Variants in LRRC17 observed in about 807,000 individuals in gnomAD.
LRRC17 encodes leucine rich repeat containing 17.
In LRRC17, 33 loss-of-function variants were observed where a neutral mutation model predicts 41.5. The observed-to-expected ratio is 0.80, with a 90% CI of 0.60 to 1.06. The LOEUF is 1.06. Among genes scored for constraint, LRRC17 ranks in the 50% least tolerant of loss-of-function variants. LRRC17 has a pLI of 0.00. For synonymous variants in LRRC17, 192 were observed against 197.0 expected (o/e 0.97, Z 0.21); for missense variants, 491 against 519.3 (o/e 0.95, Z 0.53).
At chr7:102,916,628 C>T (rs1350410068) in intron 1 of LRRC17, among the ~76,000 whole-genome samples, 2 of 152,164 alleles carry the variant, frequency 1.3e-5, no homozygotes. Flanking sequence ...AATACTCATA[C>T]TCTTTATTCT....
chr7:102,934,376 T>C lies in LRRC17; in HGVS notation c.463T>C (p.Leu155=). The C allele has an allele frequency of 1.9e-6, 3 of 1,614,214 alleles. No homozygotes were observed. The highest frequency in any genetic ancestry group is 2.5e-6 in the Non-Finnish European group (3 of 1,180,040). ...TEEVFIYTPL[L]SYLRLYDNPW... ...GGAAGTGTTCATTTACACACCTCTCTTGAGCTACCTGCGTCTTTATGACAA... is the reference window on the plus strand; with the variant it reads ...GGAAGTGTTCATTTACACACCTCTCCTGAGCTACCTGCGTCTTTATGACAA... The change falls in exon 2 of 4, where the codon TTG becomes CTG. Residue 155 remains leucine (L), a synonymous_variant. Transcript: ENST00000339431.
At chr7:102,915,090 T>G (rs988007217) in intron 1 of LRRC17, among the ~76,000 whole-genome samples, 1 of 152,126 alleles carries the variant, frequency 6.6e-6, no homozygotes, top group African/African-American at 2.4e-5. Context: ...TCTCAGAGAT[T>G]GTTTTCTCAT....
At position 102,939,507 on chromosome 7, in the gene LRRC17, C is replaced by T. The variant is rs1159359431; in HGVS notation, c.850C>T (p.Arg284Ter). 1.2e-5 allele frequency: 19 copies of T among 1,613,736 alleles called. No homozygotes were observed. The highest frequency in any genetic ancestry group is 1.4e-5 in the Non-Finnish European group (17 of 1,179,834). Residue 284 changes from arginine to a stop codon, truncating the protein, a stop_gained, in exon 3 of 4, where the codon CGA becomes TGA. Coordinates refer to ENST00000339431, the MANE Select transcript of LRRC17 (RefSeq NM_001031692.3). LOFTEE classifies it high-confidence loss of function. ...DLSYNKINQL[R>*]PKEFEDVHEL... ...GTCATACAATAAAATCAACCAACTT[C>T]GACCCAAGGAATTTGAAGATGTTCA... is the stretch of plus-strand genomic sequence containing the variant.
Position 102,944,277 on chromosome 7 carries a change from C to G in LRRC17, c.996C>G (p.Asp332Glu), listed in dbSNP as rs750655165. The change falls in exon 4 of 4, where the codon GAC (aspartate) becomes GAG (glutamate). Residue 332 changes from aspartate to glutamate, a missense_variant. By Grantham distance (45) the Asp-to-Glu change is conservative (BLOSUM62 2). Transcript: ENST00000339431. ...DLSNNSLQNFDYGVLEDLYFL... is the reference protein window; with the variant it reads ...DLSNNSLQNFEYGVLEDLYFL... ...CAAACAACAGTCTGCAAAACTTTGA[C>G]TATGGCGTATTAGAAGACTTGTATT... 4.3e-6 allele frequency: 7 copies of G among 1,613,794 alleles called. 1 individual carries two copies. In the South Asian group the frequency reaches 7.7e-5, roughly 18 times the overall value.
rs917217476 is a variant in LRRC17 at position 102,944,740 on chromosome 7, T to C, written c.*133T>C. The C allele has an allele frequency of 3.9e-6, 3 of 770,392 alleles. No individual in the cohort carries two copies. The allele number at this position is 770,392 out of a possible 1,614,324, so 47.7% of individuals were successfully genotyped here. A position where few individuals can be genotyped will look rare whatever the true frequency, so the allele number is the denominator to read the frequency against. On this transcript the variant is annotated 3_prime_UTR_variant, in exon 4 of 4. Transcript: ENST00000339431. ...AGCTAAAGGAAGCTTTCTTTAATTA[T>C]AAGTATTATTGTGACTATTATAGTA...
chr7:102,914,782 AT>A (rs1344718210), intron 1 of LRRC17, among the ~76,000 whole-genome samples: 3 of 152,196 alleles, frequency 2.0e-5, no homozygotes, highest in Non-Finnish European at 4.4e-5. Context: ...CAGTGCTAAT[AT>A]CCCAAAGACA....
rs187212601 is a variant in LRRC17 at position 102,925,468 on chromosome 7, C to A, written c.-140-8306C>A. ...ATTCTTTTGTTATTCTGTCCCTTCT[C>A]CTCCAAAAAAGAGAAGCAATATTCA... On this transcript the variant is annotated intron_variant, in intron 1 of 3. Transcript: ENST00000339431. Among the ~76,000 whole-genome samples, 6 of 152,184 alleles carry A rather than the reference C, an allele frequency of 3.9e-5. No homozygotes were observed. The East Asian group carries it at 1.2e-3, about 29-fold the overall frequency.
At position 102,922,171 on chromosome 7, in the gene LRRC17, C is replaced by T. The variant is rs138453024; in HGVS notation, c.-141+9026C>T. On this transcript the variant is annotated intron_variant, in intron 1 of 3. Coordinates refer to ENST00000339431, the MANE Select transcript of LRRC17 (RefSeq NM_001031692.3). ...TGCCACTGCATTCCAGCCTGGGCGACAGAGGAAGACTCTGTCTCAAAAAAA... is the reference window on the plus strand; with the variant it reads ...TGCCACTGCATTCCAGCCTGGGCGATAGAGGAAGACTCTGTCTCAAAAAAA... 3.9e-3 allele frequency among the ~76,000 whole-genome samples: 563 copies of T among 145,048 alleles called. 6 individuals carry two copies. The highest frequency in any genetic ancestry group is 0.014 in the African/African-American group (556 of 39,052).
chr7:102,915,033 A>C (rs1177313827), intron 1 of LRRC17, among the ~76,000 whole-genome samples: 1 of 152,172 alleles, frequency 6.6e-6, no homozygotes, highest in East Asian at 1.9e-4. Context: ...ATCCGGCCAA[A>C]TGAGATGTAA....
At chr7:102,920,289 A>G (rs1188153549) in intron 1 of LRRC17, among the ~76,000 whole-genome samples, 1 of 152,364 alleles carries the variant, frequency 6.6e-6, no homozygotes, top group Admixed American at 6.5e-5. Context: ...TTCACAGAGC[A>G]AAAGACAGAA....
chr7:102,926,956 A>G (rs1818257355), intron 1 of LRRC17, among the ~76,000 whole-genome samples: 2 of 152,202 alleles, frequency 1.3e-5, no homozygotes, highest in African/African-American at 4.8e-5. Context: ...AATAGAGGCT[A>G]CATACCAGTT....
At chr7:102,928,686 GT>G (rs1182833061) in intron 1 of LRRC17, among the ~76,000 whole-genome samples, 1 of 152,200 alleles carries the variant, frequency 6.6e-6, no homozygotes, top group African/African-American at 2.4e-5. Flanking sequence ...AAAATGATTA[GT>G]TTTTTAATTC....
intron 1 of LRRC17, among the ~76,000 whole-genome samples, chr7:102,917,892 C>T (rs1584929598): frequency 2.0e-5 from 3 of 152,134 alleles, no homozygotes; most frequent in Non-Finnish European, 2.9e-5. Flanking sequence ...CATTTAGAGG[C>T]AACAAATTTC....
chr7:102,920,996 A>G (rs1202025350), intron 1 of LRRC17, among the ~76,000 whole-genome samples: 1 of 152,068 alleles, frequency 6.6e-6, no homozygotes, highest in Non-Finnish European at 1.5e-5. Context: ...TACTAAAAAT[A>G]CAAATATTAG....
chr7:102,920,693 C>T (rs1370926046), intron 1 of LRRC17, among the ~76,000 whole-genome samples: 1 of 152,054 alleles, frequency 6.6e-6, no homozygotes, highest in Non-Finnish European at 1.5e-5. Flanking sequence ...AAACTGCTCT[C>T]TTAAAAAGGC....
rs908634721 is a variant in LRRC17, at chr7:102,939,568, T to C, written c.911T>C (p.Ile304Thr). The stretch of plus-strand genomic sequence containing the variant: ...AAATTAAACCTCAGCAGCAATGGCA[T>C]TGAATTCATCGATCCTGGTAAGTTC... ...LKKLNLSSNG[I>T]EFIDPAAFLG... Residue 304 changes from isoleucine to threonine, a missense_variant, in exon 3 of 4, where the codon ATT becomes ACT. By Grantham distance (89) the Ile-to-Thr change is moderately conservative. Transcript: ENST00000339431. 3.1e-6 allele frequency: 5 copies of C among 1,613,542 alleles called. No individual in the cohort carries two copies. Among genetic ancestry groups the C allele is most frequent in the African/African-American group, 2.7e-5 (2 of 74,904 alleles).
At position 102,934,232 on chromosome 7, in the gene LRRC17, C is replaced by T; in HGVS notation, c.319C>T (p.Leu107=). ...CAACATGTTTTCCAAGTTTAAAAAGCTGAAAAGCCTGGATCTGCAGCAGAA... is the reference window on the plus strand; with the variant it reads ...CAACATGTTTTCCAAGTTTAAAAAGTTGAAAAGCCTGGATCTGCAGCAGAA... The part of the protein sequence containing the change: ...KNNMFSKFKK[L]KSLDLQQNEI... The change falls in exon 2 of 4, where the codon CTG becomes TTG. Residue 107 remains leucine, a synonymous_variant. Transcript: ENST00000339431. 1 of 1,614,188 alleles carries T rather than the reference C, an allele frequency of 6.2e-7. No individual in the cohort carries two copies. Among genetic ancestry groups the T allele is most frequent in the Non-Finnish European group, 8.5e-7 (1 of 1,180,032 alleles).
intron 1 of LRRC17, among the ~76,000 whole-genome samples, chr7:102,926,015 G>T (rs1424740492): frequency 5.9e-5 from 9 of 151,900 alleles, no homozygotes; most frequent in Non-Finnish European, 1.0e-4. Context: ...GCCCAGAATG[G>T]GGGACCAGAA....
chr7:102,944,086 G>T (rs1821984060), intron 3 of LRRC17, 124 bp from the exon 4 acceptor site: 4 of 751,302 alleles, frequency 5.3e-6, no homozygotes, highest in Non-Finnish European at 8.2e-6. Context: ...GAAAGGAAAA[G>T]AAATCTCTTT....
Sources: gnomAD v4.1 joint callset for allele counts (sites outside exome capture counted in the v4.1 genomes callset) on GRCh38, gnomAD v4.1.1 for gene constraint, MANE v1.5 for transcripts, NCBI Gene and HGNC (gene_info 2026-07-23, HGNC 2026-07-21) for gene names.